The following NRXN3 variants were observed in gnomAD, a reference collection of about 807,000 sequenced individuals.
NRXN3 encodes the protein neurexin III.
In NRXN3, 32 loss-of-function variants were observed where a neutral mutation model predicts 137.6. The observed-to-expected ratio is 0.23, with a 90% CI of 0.18 to 0.31. The LOEUF (loss-of-function observed/expected upper bound fraction) is 0.31. Ranked by LOEUF, NRXN3 falls within the 10% of genes least tolerant of loss-of-function variation. The pLI, the probability that NRXN3 is intolerant of heterozygous loss-of-function variation, is 1.00. For synonymous variants in NRXN3, 798 were observed against 784.5 expected, an observed-to-expected ratio of 1.02 and a Z score of -0.29; for missense variants, 1,574 against 2,062.5, an observed-to-expected ratio of 0.76 and a Z score of 4.59.
intron 20 of NRXN3, among the ~76,000 whole-genome samples, chr14:79,838,727 C>T (rs2099349537): frequency 6.6e-6 from 1 of 152,124 alleles, no homozygotes; most frequent in Admixed American, 6.6e-5. Flanking sequence ...TAGTGTCCAC[C>T]CTCGAACACC....
At chr14:78,825,222 A>C (rs1029871890) in intron 10 of NRXN3, among the ~76,000 whole-genome samples, 2 of 151,426 alleles carry the variant, frequency 1.3e-5, no homozygotes, top group African/African-American at 4.8e-5. Flanking sequence ...AAAAAAGAAA[A>C]AGAAAAAGAA....
chr14:79,321,853 T>C (rs978178079), intron 15 of NRXN3, among the ~76,000 whole-genome samples: 9 of 148,780 alleles, frequency 6.0e-5, no homozygotes, highest in African/African-American at 2.0e-4. Context: ...ATATTATTTA[T>C]ATATAAACTA....
At position 79,759,822 on chromosome 14, in the gene NRXN3, T is replaced by G. The variant is rs1053668112; in HGVS notation, c.4015-45290T>G. The stretch of plus-strand genomic sequence containing the variant: ...TCATTTTTTTGGAAGAAAGAAAATC[T>G]GTGCTGTTTATCTGGCAATGGAAGT... On this transcript the variant is annotated intron_variant, in intron 19 of 20. Coordinates refer to ENST00000335750, the MANE Select transcript of NRXN3 (RefSeq NM_001330195.2). Among the ~76,000 whole-genome samples, 8 of 151,668 alleles carry G rather than the reference T, an allele frequency of 5.3e-5. 1 individual carries two copies. Among genetic ancestry groups the G allele is most frequent in the African/African-American group, 2.0e-4 (8 of 40,988 alleles).
chr14:79,238,206 A>G (rs2073735605), intron 15 of NRXN3, among the ~76,000 whole-genome samples: 1 of 152,126 alleles, frequency 6.6e-6, no homozygotes, highest in African/African-American at 2.4e-5. Context: ...AATATTTTTT[A>G]AACAAAAGGA....
chr14:78,736,285 T>A (rs1216968962), intron 8 of NRXN3, among the ~76,000 whole-genome samples: 1 of 152,186 alleles, frequency 6.6e-6, no homozygotes, highest in Non-Finnish European at 1.5e-5. Context: ...CAAGATGGTG[T>A]GATGGATAGA....
At chr14:78,293,935 C>A (rs2153521285) in intron 3 of NRXN3, among the ~76,000 whole-genome samples, 1 of 152,322 alleles carries the variant, frequency 6.6e-6, no homozygotes, top group Non-Finnish European at 1.5e-5. Context: ...ACAGAAAAGT[C>A]CTTACCAATG....
At position 78,938,848 on chromosome 14, in the gene NRXN3, C is replaced by CTTTTTTTT. The variant is rs1255540319; in HGVS notation, c.2276-18385_2276-18378dup. On this transcript the variant is annotated intron_variant, in intron 10 of 20. Transcript: ENST00000335750. ...TATTTGAAGGTCCAGAGTGATTTTTCTTTTTTTTTTTTTTTTGAGATGGAG... is the reference window on the plus strand; with the variant it reads ...TATTTGAAGGTCCAGAGTGATTTTTCTTTTTTTTTTTTTTTTTTTTTTTTGAGATGGAG... Among the ~76,000 whole-genome samples the CTTTTTTTT allele has an allele frequency of 5.2e-3, 691 of 131,882 alleles. 10 individuals carry two copies. Among genetic ancestry groups the CTTTTTTTT allele is most frequent in the Non-Finnish European group, 6.0e-3 (366 of 61,004 alleles). 86.5% of individuals were successfully genotyped at this position (131,882 alleles called of 152,430 possible).
chr14:79,675,076 G>A (rs909387712), intron 17 of NRXN3, among the ~76,000 whole-genome samples: 5 of 152,002 alleles, frequency 3.3e-5, no homozygotes, highest in Non-Finnish European at 7.4e-5. Flanking sequence ...ATGAGGAAAC[G>A]AAGTCTGAGT....
At chr14:78,664,390 G>T (rs887211062) in intron 6 of NRXN3, among the ~76,000 whole-genome samples, 1 of 151,726 alleles carries the variant, frequency 6.6e-6, no homozygotes, top group East Asian at 1.9e-4. Context: ...CTTAATCTTC[G>T]ATCTCCCATT....
At chr14:78,415,758 A>G (rs2093100390) in intron 4 of NRXN3, among the ~76,000 whole-genome samples, 1 of 152,082 alleles carries the variant, frequency 6.6e-6, no homozygotes, top group African/African-American at 2.4e-5. Flanking sequence ...TGAAGTCATG[A>G]CATTGGAGCA....
At chr14:78,248,216 C>A (rs759967314) in intron 2 of NRXN3, among the ~76,000 whole-genome samples, 3 of 147,564 alleles carry the variant, frequency 2.0e-5, no homozygotes, top group Non-Finnish European at 1.5e-5. Context: ...AGTGAAGTGT[C>A]GTGGTGGGTG....
intron 1 of NRXN3, among the ~76,000 whole-genome samples, chr14:78,225,987 GTGTGTGT>G (rs1567013932): frequency 8.4e-5 from 12 of 142,334 alleles, no homozygotes; most frequent in African/African-American, 2.8e-4. Context: ...GTGTGTGTGT[GTGTGTGT>G]GTGTGTGTGT....
intron 15 of NRXN3, among the ~76,000 whole-genome samples, chr14:79,297,126 C>T (rs1395578244): frequency 2.0e-5 from 3 of 152,188 alleles, no homozygotes; most frequent in Admixed American, 2.0e-4. Context: ...AAGGAAATCC[C>T]CCTGCCATTT....
rs547033459 is a variant in NRXN3, at chr14:78,982,751, A to C, written c.3143-5271A>C. Among the ~76,000 whole-genome samples, 8 of 152,298 alleles carry C rather than the reference A, an allele frequency of 5.3e-5. No individual in the cohort carries two copies. The South Asian group carries it at 1.7e-3, about 32-fold the overall frequency. On this transcript the variant is annotated intron_variant, in intron 14 of 20. Transcript: ENST00000335750. ...TTGTTTCTGGGCAAGGATTTCTTGG[A>C]TGTGACTTCAAAACCACAGGCAACA...
At chr14:79,531,203 C>T (rs932364070) in intron 16 of NRXN3, among the ~76,000 whole-genome samples, 29 of 152,094 alleles carry the variant, frequency 1.9e-4, no homozygotes, top group African/African-American at 6.0e-4. Flanking sequence ...ATGCTCATAC[C>T]CTAGTTTTTA....
intron 16 of NRXN3, among the ~76,000 whole-genome samples, chr14:79,615,741 A>C (rs2098147265): frequency 6.6e-6 from 1 of 152,082 alleles, no homozygotes; most frequent in Non-Finnish European, 1.5e-5. Flanking sequence ...TCACTATCAA[A>C]AGAACTGCTT....
chr14:78,539,751 T>A (rs1370450566), intron 4 of NRXN3, among the ~76,000 whole-genome samples: 1 of 151,482 alleles, frequency 6.6e-6, no homozygotes, highest in African/African-American at 2.4e-5. Flanking sequence ...GCATTTAGTG[T>A]AAATTTCCCT....
chr14:79,334,256 G>T (rs937653742), intron 15 of NRXN3, among the ~76,000 whole-genome samples: 2 of 152,140 alleles, frequency 1.3e-5, no homozygotes, highest in Admixed American at 1.3e-4. Context: ...GTAGAATGAG[G>T]TGCTATAAAA....
chr14:78,531,326 C>G (rs575401660), intron 4 of NRXN3, among the ~76,000 whole-genome samples: 1 of 152,266 alleles, frequency 6.6e-6, no homozygotes, highest in East Asian at 1.9e-4. Flanking sequence ...ACACTTACTT[C>G]ATGTCAATCT....
Sources: gnomAD v4.1 joint callset for allele counts (sites outside exome capture counted in the v4.1 genomes callset) on GRCh38, gnomAD v4.1.1 for gene constraint, MANE v1.5 for transcripts, NCBI Gene and HGNC (gene_info 2026-07-23, HGNC 2026-07-21) for gene names.